Variants in GAS2L3 observed in about 807,000 individuals in gnomAD.
GAS2L3 encodes growth arrest specific 2 like 3, also known as GAS2-like protein 3.
A neutral mutation model predicts 37.0 loss-of-function variants in GAS2L3; 28 were observed. The observed-to-expected ratio is 0.76, with a 90% CI of 0.56 to 1.04. The LOEUF (loss-of-function observed/expected upper bound fraction) is 1.04, where lower values mean the gene tolerates loss of function less well. GAS2L3 is among the 50% of genes least tolerant of loss of function. The pLI is 0.00. For missense variants in GAS2L3, 793 were observed against 817.6 expected (o/e 0.97, Z 0.37); for synonymous variants, 290 against 296.6 (o/e 0.98, Z 0.23).
chr12:100,622,301 T>G lies in GAS2L3; in HGVS notation c.675T>G (p.Pro225=), dbSNP rs1213930570. ...EAVKHIAEDP[P]CSCSHRFSIE... ...TTAAACATATTGCTGAGGACCCTCC[T>G]TGTAGTTGTTCTCATCGATTTTCTA... The change falls in exon 9 of 10, where the codon CCT becomes CCG. Residue 225 remains proline, a synonymous_variant. Coordinates refer to ENST00000547754, the MANE Select transcript of GAS2L3 (RefSeq NM_174942.3). 6.2e-7 allele frequency: 1 copy of G among 1,601,658 alleles called. No individual in the cohort carries two copies. Among genetic ancestry groups the G allele is most frequent in the Non-Finnish European group, 8.5e-7 (1 of 1,169,788 alleles).
rs960596591 is a variant in GAS2L3 at position 100,621,578 on chromosome 12, TC to T, written c.649-695del. On this transcript the variant is annotated intron_variant, in intron 8 of 9. Transcript: ENST00000547754. ...TGAATTGAAAATTTTAAGAATTTTA[TC>T]CAATCTTGAGAGAATAGATGTAAAT... Among the ~76,000 whole-genome samples the T allele has an allele frequency of 4.5e-4, 68 of 152,130 alleles. 1 individual carries two copies. The highest frequency in any genetic ancestry group is 5.2e-4 in the Admixed American group (8 of 15,254).
chr12:100,618,412 T>A (rs1956213662), intron 7 of GAS2L3, 37 bp from the exon 8 acceptor site: 1 of 1,575,710 alleles, frequency 6.3e-7, no homozygotes, highest in African/African-American at 1.4e-5. Flanking sequence ...CTGGGTCAAC[T>A]TTGCTTGAAT....
At chr12:100,585,413 A>C (rs893612311) in intron 1 of GAS2L3, among the ~76,000 whole-genome samples, 20 of 150,528 alleles carry the variant, frequency 1.3e-4, no homozygotes, top group Non-Finnish European at 1.5e-4. Flanking sequence ...CCACCACCAC[A>C]CCTGGCTAAT....
At chr12:100,584,380 G>A (rs1955751844) in intron 1 of GAS2L3, among the ~76,000 whole-genome samples, 1 of 152,076 alleles carries the variant, frequency 6.6e-6, no homozygotes, top group Non-Finnish European at 1.5e-5. Context: ...TGACTCCTTC[G>A]AAGTGTAAAT....
At chr12:100,607,027 A>G (rs1258825561) in intron 5 of GAS2L3, among the ~76,000 whole-genome samples, 2 of 152,172 alleles carry the variant, frequency 1.3e-5, no homozygotes, top group African/African-American at 4.8e-5. Context: ...TACGATCTGA[A>G]GGGAAACCAG....
chr12:100,589,292 CCAAA>C lies in GAS2L3; in HGVS notation c.-151-2441_-151-2438del, dbSNP rs145820585. On this transcript the variant is annotated intron_variant, in intron 1 of 9. Coordinates refer to ENST00000547754, the MANE Select transcript of GAS2L3 (RefSeq NM_174942.3). Reference sequence around the variant, plus strand: ...TAGCTCTTCTATACACCAACAGCAACCAAACAGAGAATCAAATCAAGAACTCAAC... The same window carrying C: ...TAGCTCTTCTATACACCAACAGCAACCAGAGAATCAAATCAAGAACTCAAC... 0.013 allele frequency among the ~76,000 whole-genome samples: 1,901 copies of C among 151,914 alleles called. 69 individuals are homozygous for C. In the East Asian group the frequency reaches 0.15, roughly 12 times the overall value.
intron 5 of GAS2L3, among the ~76,000 whole-genome samples, chr12:100,606,244 C>T (rs181162040): frequency 3.0e-4 from 46 of 152,030 alleles, no homozygotes; most frequent in African/African-American, 1.1e-3. Flanking sequence ...TATACAATGA[C>T]CTTCTTTGTC....
In GAS2L3 at chr12:100,585,054, A is replaced by AT. The variant is rs34714372; in HGVS notation, c.-151-6665dup. ...CAGGCACCCGCCACCACACCTGGCTATTTTTTTTTTTTTTTTTGGTATTTT... is the reference window on the plus strand; with the variant it reads ...CAGGCACCCGCCACCACACCTGGCTATTTTTTTTTTTTTTTTTTGGTATTTT... On this transcript the variant is annotated intron_variant, in intron 1 of 9. Coordinates refer to ENST00000547754, the MANE Select transcript of GAS2L3 (RefSeq NM_174942.3). 0.011 allele frequency among the ~76,000 whole-genome samples: 1,280 copies of AT among 118,602 alleles called. 52 individuals are homozygous for AT. In the East Asian group the frequency reaches 0.16, roughly 15 times the overall value. 77.8% of individuals were successfully genotyped at this position (118,602 alleles called of 152,430 possible).
intron 8 of GAS2L3, 51 bp downstream of exon 8, chr12:100,618,638 G>T (rs1233343642): frequency 6.5e-7 from 1 of 1,535,240 alleles, no homozygotes; most frequent in African/African-American, 1.4e-5. Context: ...AAGTCTCATA[G>T]TTTTAAGCAC....
chr12:100,579,829 T>C, intron 1 of GAS2L3: 2 of 733,458 alleles, frequency 2.7e-6, no homozygotes, highest in Non-Finnish European at 2.5e-6. Context: ...GAAAAAGCTA[T>C]TTTCCAACTG....
Position 100,600,529 on chromosome 12 carries a change from A to G in GAS2L3, c.166A>G (p.Ile56Val), listed in dbSNP as rs946974791. 12 of 1,613,562 alleles carry G rather than the reference A, an allele frequency of 7.4e-6. No individual in the cohort carries two copies. The highest frequency in any genetic ancestry group is 6.7e-5 in the East Asian group (3 of 44,852). ...TLLPMQEDLS[I>V]WLSGLLGIKV... ...GTTGCCCATGCAAGAAGATCTGTCA[A>G]TCTGGTTATCTGGTTTATTAGGTGA... The change falls in exon 4 of 10, where the codon ATC becomes GTC. Residue 56 changes from isoleucine (I) to valine (V), a missense_variant. By Grantham distance (29) the Ile-to-Val change is conservative (BLOSUM62 3). Coordinates refer to ENST00000547754, the MANE Select transcript of GAS2L3 (RefSeq NM_174942.3).
At position 100,587,202 on chromosome 12, in the gene GAS2L3, A is replaced by T. The variant is rs560338895; in HGVS notation, c.-151-4534A>T. Reference sequence around the variant, plus strand: ...ACACAATTCCACAAGATAGAGAAAGAAGGAACCCTCCCCAACTCATTCTAT... The same window carrying T: ...ACACAATTCCACAAGATAGAGAAAGTAGGAACCCTCCCCAACTCATTCTAT... On this transcript the variant is annotated intron_variant, in intron 1 of 9. Transcript: ENST00000547754. 2.6e-5 allele frequency among the ~76,000 whole-genome samples: 4 copies of T among 152,306 alleles called. No homozygotes were observed. The South Asian group carries it at 8.3e-4, about 32-fold the overall frequency.
At chr12:100,615,697 C>A (rs1402131211) in intron 6 of GAS2L3, among the ~76,000 whole-genome samples, 1 of 152,048 alleles carries the variant, frequency 6.6e-6, no homozygotes, top group African/African-American at 2.4e-5. Flanking sequence ...CAAATTCATT[C>A]TTTTGCATGT....
At chr12:100,618,763 A>C (rs974701785) in intron 8 of GAS2L3, 176 bp downstream of exon 8, 4 of 531,798 alleles carry the variant, frequency 7.5e-6, no homozygotes, top group African/African-American at 2.0e-5. Context: ...TTTAAAGGTG[A>C]TTTGTTATTG....
Position 100,628,220 on chromosome 12 carries a change from G to GT in GAS2L3, c.*3330_*3331insT, listed in dbSNP as rs1452065795. Reference sequence around the variant, plus strand: ...TCCAAATTTGTGTATATTTTCTTATGCCAGCAGTATTTGTATCCAATTTTA... The same window carrying GT: ...TCCAAATTTGTGTATATTTTCTTATGTCCAGCAGTATTTGTATCCAATTTTA... On this transcript the variant is annotated 3_prime_UTR_variant, in exon 10 of 10. Transcript: ENST00000547754. 1.3e-5 allele frequency: 2 copies of GT among 152,074 alleles called. No homozygotes were observed. The highest frequency in any genetic ancestry group is 2.9e-5 in the Non-Finnish European group (2 of 67,990). 9.4% of individuals were successfully genotyped at this position (152,074 alleles called of 1,614,324 possible).
intron 1 of GAS2L3, among the ~76,000 whole-genome samples, chr12:100,591,450 A>G (rs1453387425): frequency 6.6e-6 from 1 of 152,144 alleles, no homozygotes; most frequent in East Asian, 1.9e-4. Flanking sequence ...GCCAATTATG[A>G]TGTGGGTATT....
intron 3 of GAS2L3, 53 bp from the exon 4 acceptor site, chr12:100,600,329 G>T: frequency 8.8e-7 from 1 of 1,140,498 alleles, no homozygotes. Flanking sequence ...GGATTATGAT[G>T]ACTTTTAGCA....
chr12:100,596,974 G>C (rs1955920420), intron 3 of GAS2L3, among the ~76,000 whole-genome samples: 1 of 151,912 alleles, frequency 6.6e-6, no homozygotes, highest in Non-Finnish European at 1.5e-5. Context: ...TGCAGTTTTT[G>C]TTAATATCTG....
At chr12:100,623,417 A>G in intron 9 of GAS2L3, 145 bp from the exon 10 acceptor site, 1 of 579,782 alleles carries the variant, frequency 1.7e-6, no homozygotes, top group South Asian at 3.7e-5. Context: ...TAATACAAGA[A>G]ACAAACTGTC....
Sources: allele counts gnomAD v4.1 joint callset (sites outside exome capture counted in the v4.1 genomes callset), GRCh38; gene constraint gnomAD v4.1.1; transcripts MANE v1.5; gene names NCBI Gene and HGNC (gene_info 2026-07-23, HGNC 2026-07-21).